Variants in CLOCK observed in about 807,000 individuals in gnomAD.
CLOCK encodes circadian locomoter output cycles protein kaput.
CLOCK carries 43 observed loss-of-function variants against 118.4 expected under a neutral mutation model. The ratio of observed to expected loss-of-function variants is 0.36; its 90% CI spans 0.28 to 0.47. The LOEUF (loss-of-function observed/expected upper bound fraction) is 0.47. Ranked by LOEUF, CLOCK falls within the 20% of genes least tolerant of loss-of-function variation. The probability of loss-of-function intolerance (pLI) is 1.00; values close to 1 mark genes in which losing one functional copy is unlikely to be tolerated. For missense variants in CLOCK, 846 were observed against 999.9 expected, an observed-to-expected ratio of 0.85 and a Z score of 2.08; for synonymous variants, 326 against 339.2, an observed-to-expected ratio of 0.96 and a Z score of 0.43.
intron 1 of CLOCK, among the ~76,000 whole-genome samples, chr4:55,540,297 TGTGCCCTG>T (rs887897500): frequency 6.6e-6 from 1 of 150,976 alleles, no homozygotes; most frequent in Admixed American, 6.6e-5. Flanking sequence ...TGTGAGCCAC[TGTGCCCTG>T]CCTAAAATGT....
At chr4:55,507,230 G>A (rs775966848) in intron 2 of CLOCK, among the ~76,000 whole-genome samples, 10 of 152,034 alleles carry the variant, frequency 6.6e-5, no homozygotes, top group African/African-American at 9.7e-5. Flanking sequence ...TGCGACGATC[G>A]CTTGAGCCTG....
chr4:55,493,828 A>T (rs558732326), intron 2 of CLOCK, among the ~76,000 whole-genome samples: 42 of 152,346 alleles, frequency 2.8e-4, no homozygotes, highest in Non-Finnish European at 4.6e-4. Flanking sequence ...TTTATGAACC[A>T]GACCTCTTAA....
Position 55,445,116 on chromosome 4 carries a change from CTCAA to C in CLOCK, c.1540-335_1540-332del, listed in dbSNP as rs1385801846. On this transcript the variant is annotated intron_variant, in intron 18 of 22. Coordinates refer to ENST00000513440, the MANE Select transcript of CLOCK (RefSeq NM_004898.4). Reference sequence around the variant, plus strand: ...GCCAACGGGAAGCTTTTAATATTTTCTCAACCACGTTTAACATATGATATGGTCT... The same window carrying C: ...GCCAACGGGAAGCTTTTAATATTTTCCCACGTTTAACATATGATATGGTCT... Among the ~76,000 whole-genome samples the C allele has an allele frequency of 2.2e-4, 29 of 131,976 alleles. 8 individuals are homozygous for C. Among genetic ancestry groups the C allele is most frequent in the South Asian group, 5.3e-4 (2 of 3,802 alleles). The allele number at this position is 131,976 out of a possible 152,430, so 86.6% of individuals were successfully genotyped here. A position where few individuals can be genotyped will look rare whatever the true frequency, so the allele number is the denominator to read the frequency against.
At chr4:55,456,180 G>T in intron 12 of CLOCK, 38 bp downstream of exon 12, 2 of 1,442,480 alleles carry the variant, frequency 1.4e-6, no homozygotes, top group South Asian at 2.4e-5. Context: ...TATATAACAT[G>T]ACTATTACCT....
rs745450221 is a variant in CLOCK at position 55,435,464 on chromosome 4, C to T, written c.2492G>A (p.Arg831Gln). The T allele has an allele frequency of 1.2e-5, 20 of 1,613,970 alleles. No homozygotes were observed. Among genetic ancestry groups the T allele is most frequent in the South Asian group, 5.5e-5 (5 of 91,062 alleles). ...GTCGGGCAAGCTGTCAGTCCTGTGC[C>T]GGCTGAGTTGCTGCTGTTGCTGAGA... ...HQSQQQQQLS[R>Q]HRTDSLPDPS... The change falls in exon 23 of 23, where the codon CGG becomes CAG. Residue 831 changes from arginine (R) to glutamine (Q), a missense_variant. This residue lies in a region of CLOCK where 520 missense variants were observed against 558.0 expected (regional missense o/e 0.93). Coordinates refer to ENST00000513440, the MANE Select transcript of CLOCK (RefSeq NM_004898.4).
intron 8 of CLOCK, among the ~76,000 whole-genome samples, chr4:55,469,123 ATTTACAT>A (rs1272936552): frequency 4.3e-4 from 61 of 141,960 alleles, no homozygotes; most frequent in African/African-American, 1.5e-3. Context: ...AGTATTCTCT[ATTTACAT>A]TTTTTTTTTT....
intron 1 of CLOCK, among the ~76,000 whole-genome samples, chr4:55,526,610 T>C (rs1001090691): frequency 2.0e-5 from 3 of 152,066 alleles, no homozygotes; most frequent in Admixed American, 2.0e-4. Context: ...CTACTGTGTC[T>C]GCCCCCAGGT....
At chr4:55,466,272 G>A (rs1725733184) in intron 8 of CLOCK, among the ~76,000 whole-genome samples, 1 of 152,098 alleles carries the variant, frequency 6.6e-6, no homozygotes, top group African/African-American at 2.4e-5. Context: ...TCTGCTTCCT[G>A]CTGCCATGTG....
chr4:55,458,716 T>C (rs1725092824), intron 11 of CLOCK, among the ~76,000 whole-genome samples, 176 bp downstream of exon 11: 2 of 152,158 alleles, frequency 1.3e-5, no homozygotes, highest in South Asian at 2.1e-4. Context: ...AAAGGATATA[T>C]ACTAAAAAAT....
intron 1 of CLOCK, among the ~76,000 whole-genome samples, chr4:55,542,976 G>A (rs1053353383): frequency 6.6e-6 from 1 of 152,000 alleles, no homozygotes; most frequent in Non-Finnish European, 1.5e-5. Flanking sequence ...TTTAAAACAG[G>A]GTGTCACTCT....
intron 1 of CLOCK, among the ~76,000 whole-genome samples, chr4:55,518,954 T>C (rs963497187): frequency 2.6e-5 from 4 of 152,158 alleles, no homozygotes; most frequent in Admixed American, 6.6e-5. Context: ...AAGCTAACCT[T>C]ATATTCTGCC....
At chr4:55,458,002 A>AGTTGTTATT (rs1725034126) in intron 11 of CLOCK, among the ~76,000 whole-genome samples, 2 of 152,206 alleles carry the variant, frequency 1.3e-5, no homozygotes, top group Admixed American at 6.5e-5. Context: ...ATTTCATAAG[A>AGTTGTTATT]TCAAAACAAA....
intron 8 of CLOCK, among the ~76,000 whole-genome samples, chr4:55,469,954 A>T (rs868645238): frequency 6.6e-6 from 1 of 152,236 alleles, no homozygotes. Flanking sequence ...GCAATCTGCC[A>T]GCCTTGGCTT....
intron 1 of CLOCK, among the ~76,000 whole-genome samples, chr4:55,520,574 T>A (rs1053569566): frequency 6.6e-6 from 1 of 152,202 alleles, no homozygotes; most frequent in African/African-American, 2.4e-5. Context: ...TTTTACAATA[T>A]ACATTTAAAA....
At chr4:55,440,541 C>T (rs1386969474) in intron 21 of CLOCK, among the ~76,000 whole-genome samples, 1 of 152,028 alleles carries the variant, frequency 6.6e-6, no homozygotes, top group Non-Finnish European at 1.5e-5. Context: ...CAGATCTTGA[C>T]AATAAAATAC....
At chr4:55,508,648 A>G (rs1311683420) in intron 2 of CLOCK, among the ~76,000 whole-genome samples, 1 of 150,416 alleles carries the variant, frequency 6.6e-6, no homozygotes, top group Non-Finnish European at 1.5e-5. Context: ...GCTGGAGTGC[A>G]GTGGCATGAT....
At position 55,478,906 on chromosome 4, in the gene CLOCK, T is replaced by C; in HGVS notation, c.165A>G (p.Lys55=). 1.9e-6 allele frequency: 3 copies of C among 1,609,340 alleles called. No homozygotes were observed. The highest frequency in any genetic ancestry group is 2.5e-6 in the Non-Finnish European group (3 of 1,176,910). The change falls in exon 6 of 23, where the codon AAA becomes AAG. Residue 55 remains lysine (K), a synonymous_variant. Transcript: ENST00000513440. ...KRRDQFNVLI[K]ELGSMLPGNA... is the part of the protein sequence containing the mutation. ...TACCAGGAAGCATGGATCCCAGTTCTTTAATGAGAACATTAAATTGATCTC... is the reference window on the plus strand; with the variant it reads ...TACCAGGAAGCATGGATCCCAGTTCCTTAATGAGAACATTAAATTGATCTC...
chr4:55,448,048 G>T (rs771918356), intron 18 of CLOCK, among the ~76,000 whole-genome samples: 3 of 152,158 alleles, frequency 2.0e-5, no homozygotes, highest in East Asian at 3.9e-4. Flanking sequence ...CTTAGGCCAA[G>T]AAACAATTCT....
At chr4:55,473,283 A>G (rs1443999850) in intron 7 of CLOCK, among the ~76,000 whole-genome samples, 1 of 152,176 alleles carries the variant, frequency 6.6e-6, no homozygotes, top group Non-Finnish European at 1.5e-5. Flanking sequence ...CAAGAAACAG[A>G]TACTATTGTC....
Sources: allele counts gnomAD v4.1 joint callset (sites outside exome capture counted in the v4.1 genomes callset), GRCh38; gene constraint gnomAD v4.1.1; regional missense constraint gnomAD v4.1.1; transcripts MANE v1.5; gene names NCBI Gene and HGNC (gene_info 2026-07-23, HGNC 2026-07-21).